Variants in WWOX observed in about 807,000 individuals in gnomAD.
WWOX encodes WW domain-containing oxidoreductase.
In WWOX, 69 loss-of-function variants were observed where a neutral mutation model predicts 46.2. The ratio of observed to expected loss-of-function variants is 1.49; its 90% confidence interval spans 1.23 to 1.82. The LOEUF (loss-of-function observed/expected upper bound fraction) is 1.82. Ranked by LOEUF, WWOX falls within the 40% of genes most tolerant of loss-of-function variation. WWOX has a pLI of 0.00. For missense variants in WWOX, 919 were observed against 542.6 expected, an observed-to-expected ratio of 1.69 and a Z score of -6.89; for synonymous variants, 359 against 202.6, an observed-to-expected ratio of 1.77 and a Z score of -6.56.
chr16:78,767,324 CAG>C (rs965937097), intron 8 of WWOX, among the ~76,000 whole-genome samples: 12 of 151,860 alleles, frequency 7.9e-5, no homozygotes, highest in African/African-American at 2.2e-4. Context: ...TTAGTAGAGA[CAG>C]ATTTTGCCGT....
At chr16:78,393,743 G>C (rs1418749053) in intron 6 of WWOX, among the ~76,000 whole-genome samples, 1 of 151,866 alleles carries the variant, frequency 6.6e-6, no homozygotes, top group Non-Finnish European at 1.5e-5. Flanking sequence ...TTTGATCATG[G>C]ATTTTTATGT....
intron 8 of WWOX, among the ~76,000 whole-genome samples, chr16:78,670,602 C>G (rs1040417453): frequency 7.9e-5 from 12 of 151,980 alleles, no homozygotes; most frequent in African/African-American, 2.2e-4. Flanking sequence ...TGAATAATGT[C>G]CCCCCAAATT....
chr16:79,044,014 G>T (rs2048021407), intron 8 of WWOX, among the ~76,000 whole-genome samples: 1 of 152,206 alleles, frequency 6.6e-6, no homozygotes, highest in Non-Finnish European at 1.5e-5. Context: ...CCTGAGTTAT[G>T]TGCTCTCTCC....
intron 6 of WWOX, among the ~76,000 whole-genome samples, chr16:78,397,563 G>A (rs908714554): frequency 6.6e-6 from 1 of 152,196 alleles, no homozygotes; most frequent in African/African-American, 2.4e-5. Flanking sequence ...AGCTTGCATA[G>A]TAGCTTGGAG....
At chr16:79,055,388 G>A (rs995279164) in intron 8 of WWOX, among the ~76,000 whole-genome samples, 1 of 152,070 alleles carries the variant, frequency 6.6e-6, no homozygotes, top group South Asian at 2.1e-4. Context: ...TCGTTTGCTT[G>A]ACCAATGGAA....
intron 5 of WWOX, among the ~76,000 whole-genome samples, chr16:78,207,030 G>T (rs1308959454): frequency 6.6e-6 from 1 of 152,194 alleles, no homozygotes; most frequent in Admixed American, 6.5e-5. Context: ...ACTCAGGCAT[G>T]CAAAGGTGAA....
At chr16:78,619,490 C>T (rs1024764651) in intron 8 of WWOX, among the ~76,000 whole-genome samples, 1 of 151,324 alleles carries the variant, frequency 6.6e-6, no homozygotes, top group Non-Finnish European at 1.5e-5. Flanking sequence ...AGAATAATTA[C>T]AGGACCCTGC....
At chr16:78,959,879 A>G (rs2151310782) in intron 8 of WWOX, among the ~76,000 whole-genome samples, 1 of 152,304 alleles carries the variant, frequency 6.6e-6, no homozygotes, top group African/African-American at 2.4e-5. Context: ...GTCTGATTTA[A>G]TTGGATAAGG....
At chr16:78,159,672 G>GTTTTTTTTTT (rs35468343) in intron 4 of WWOX, among the ~76,000 whole-genome samples, 3 of 55,378 alleles carry the variant, frequency 5.4e-5, no homozygotes, top group Admixed American at 2.2e-4. Flanking sequence ...AAAATCTGTG[G>GTTTTTTTTTT]TTTTTTTTTT....
At chr16:78,108,966 T>C (rs1654165154) in intron 2 of WWOX, among the ~76,000 whole-genome samples, 1 of 152,190 alleles carries the variant, frequency 6.6e-6, no homozygotes, top group Non-Finnish European at 1.5e-5. Context: ...CCAGCCTCGG[T>C]GACAGAGTGA....
chr16:78,971,048 C>T (rs2151323089), intron 8 of WWOX, among the ~76,000 whole-genome samples: 1 of 151,444 alleles, frequency 6.6e-6, no homozygotes, highest in South Asian at 2.1e-4. Flanking sequence ...ACTCTGTTTC[C>T]CAGGGTGTAT....
At chr16:78,962,676 G>T (rs2046293342) in intron 8 of WWOX, among the ~76,000 whole-genome samples, 1 of 152,084 alleles carries the variant, frequency 6.6e-6, no homozygotes, top group African/African-American at 2.4e-5. Flanking sequence ...ACGGTAAGGT[G>T]CACACACATT....
rs1176731530 is a variant in WWOX at position 78,628,859 on chromosome 16, A to C, written c.1056+196107A>C. On this transcript the variant is annotated intron_variant, in intron 8 of 8. Transcript: ENST00000566780. The stretch of plus-strand genomic sequence containing the variant: ...TGGTTTCGTGAGGGATTAAGAGGCC[A>C]CTGTTGTGAATCTCCCATTAGTGAT... Among the ~76,000 whole-genome samples the C allele has an allele frequency of 2.0e-5, 3 of 152,284 alleles. No individual in the cohort carries two copies. In the South Asian group the frequency reaches 6.2e-4, roughly 32 times the overall value.
At chr16:78,933,579 C>T (rs569976964) in intron 8 of WWOX, among the ~76,000 whole-genome samples, 2 of 152,308 alleles carry the variant, frequency 1.3e-5, no homozygotes, top group South Asian at 4.1e-4. Context: ...CATTTTCATG[C>T]TGCTGATAAA....
chr16:78,396,229 A>C (rs781732569), intron 6 of WWOX, among the ~76,000 whole-genome samples: 2 of 152,110 alleles, frequency 1.3e-5, no homozygotes, highest in African/African-American at 2.4e-5. Flanking sequence ...TATGATGCCA[A>C]CCTTCAAAAA....
chr16:78,562,443 C>T (rs891502947), intron 8 of WWOX, among the ~76,000 whole-genome samples: 3 of 152,226 alleles, frequency 2.0e-5, no homozygotes, highest in Non-Finnish European at 4.4e-5. Context: ...TGATGCTGAG[C>T]ATACCAGAGT....
At position 78,719,287 on chromosome 16, in the gene WWOX, T is replaced by C. The variant is rs75997927; in HGVS notation, c.1056+286535T>C. Among the ~76,000 whole-genome samples, 954 of 152,336 alleles carry C rather than the reference T, an allele frequency of 6.3e-3. 11 individuals are homozygous for C. Among genetic ancestry groups the C allele is most frequent in the African/African-American group, 0.022 (900 of 41,580 alleles). On this transcript the variant is annotated intron_variant, in intron 8 of 8. Coordinates refer to ENST00000566780, the MANE Select transcript of WWOX (RefSeq NM_016373.4). ...CGGGTGACCATGGCTGAAGGGTTAT[T>C]CTGGGGAGCCTTCCCTGTGGAAGCC...
chr16:79,162,356 G>A (rs8058030), intron 8 of WWOX, among the ~76,000 whole-genome samples: 1 of 152,286 alleles, frequency 6.6e-6, no homozygotes, highest in East Asian at 1.9e-4. Context: ...AGGCCACGCA[G>A]ACCAGAGTTA....
At chr16:78,867,075 T>C (rs1052814273) in intron 8 of WWOX, among the ~76,000 whole-genome samples, 1 of 152,152 alleles carries the variant, frequency 6.6e-6, no homozygotes, top group Non-Finnish European at 1.5e-5. Flanking sequence ...TATTCACAAT[T>C]GGAGAAGGGC....
Sources: gnomAD v4.1 joint callset for allele counts (sites outside exome capture counted in the v4.1 genomes callset) on GRCh38, gnomAD v4.1.1 for gene constraint, MANE v1.5 for transcripts, NCBI Gene and HGNC (gene_info 2026-07-23, HGNC 2026-07-21) for gene names.